The following FHIT variants were observed in gnomAD, a reference collection of about 807,000 sequenced individuals.
FHIT encodes the protein bis(5'-adenosyl)-triphosphatase.
Under a neutral mutation model 17.9 loss-of-function variants are expected in FHIT, and 19 were observed. The ratio of observed to expected loss-of-function variants is 1.06; its 90% CI spans 0.74 to 1.56. The LOEUF is 1.56. FHIT is among the 40% of genes most tolerant of loss of function. FHIT has a pLI of 0.00. For synonymous variants in FHIT, 81 were observed against 69.7 expected, an observed-to-expected ratio of 1.16 and a Z score of -0.81; for missense variants, 248 against 189.2, an observed-to-expected ratio of 1.31 and a Z score of -1.82.
intron 5 of FHIT, among the ~76,000 whole-genome samples, chr3:60,257,084 C>T (rs1706036304): frequency 6.6e-6 from 1 of 152,200 alleles, no homozygotes; most frequent in Admixed American, 6.5e-5. Context: ...CATTTTCACA[C>T]ACATTTCAAT....
At chr3:60,969,981 C>T (rs1709928910) in intron 3 of FHIT, among the ~76,000 whole-genome samples, 1 of 152,116 alleles carries the variant, frequency 6.6e-6, no homozygotes, top group African/African-American at 2.4e-5. Context: ...CCTCCCACCT[C>T]AGCCTTCTGA....
Position 60,718,010 on chromosome 3 carries a change from A to G in FHIT, c.-18+103909T>C, listed in dbSNP as rs190698293. Among the ~76,000 whole-genome samples, 7 of 152,296 alleles carry G rather than the reference A, an allele frequency of 4.6e-5. No individual in the cohort carries two copies. The East Asian group carries it at 1.2e-3, about 25-fold the overall frequency. On this transcript the variant is annotated intron_variant, in intron 4 of 9. Transcript: ENST00000492590. ...AATGTTTTTTAAAATGCAACTTTCC[A>G]TAGTTTTCTGTTGTTATATTTGTTT...
intron 5 of FHIT, among the ~76,000 whole-genome samples, chr3:60,531,059 A>G (rs944688477): frequency 1.3e-5 from 2 of 152,164 alleles, no homozygotes; most frequent in Non-Finnish European, 2.9e-5. Context: ...CCACAAGAAA[A>G]CCAACTTGCC....
chr3:60,283,044 G>A (rs1222451035), intron 5 of FHIT, among the ~76,000 whole-genome samples: 1 of 152,106 alleles, frequency 6.6e-6, no homozygotes, highest in African/African-American at 2.4e-5. Context: ...AGAACCCTCA[G>A]GATCAAGTCA....
chr3:60,198,022 A>G (rs147960362), intron 5 of FHIT, among the ~76,000 whole-genome samples: 1,699 of 152,298 alleles, frequency 0.011, 31 homozygotes, highest in African/African-American at 0.038. Context: ...AAACAAATGC[A>G]TATGCCTCAC....
At chr3:60,590,114 T>C (rs2038036562) in intron 4 of FHIT, among the ~76,000 whole-genome samples, 1 of 152,074 alleles carries the variant, frequency 6.6e-6, no homozygotes, top group Non-Finnish European at 1.5e-5. Flanking sequence ...CTCTAATAAG[T>C]TAACGATTTA....
intron 4 of FHIT, among the ~76,000 whole-genome samples, chr3:60,747,912 G>C: frequency 6.6e-6 from 1 of 152,326 alleles, no homozygotes; most frequent in African/African-American, 2.4e-5. Flanking sequence ...CCCAGGTAGA[G>C]TAAAAACAGA....
At chr3:60,520,762 T>C (rs2035327541) in intron 5 of FHIT, among the ~76,000 whole-genome samples, 1 of 152,062 alleles carries the variant, frequency 6.6e-6, no homozygotes, top group Non-Finnish European at 1.5e-5. Context: ...CCCATTATGG[T>C]TAATGAGAGT....
At chr3:61,139,802 G>C (rs528528207) in intron 2 of FHIT, among the ~76,000 whole-genome samples, 1 of 151,908 alleles carries the variant, frequency 6.6e-6, no homozygotes, top group African/African-American at 2.4e-5. Context: ...AAGGAATGCT[G>C]GTACTTTAAG....
intron 5 of FHIT, among the ~76,000 whole-genome samples, chr3:60,221,218 A>C (rs1007646023): frequency 1.5e-4 from 23 of 152,138 alleles, no homozygotes; most frequent in African/African-American, 5.6e-4. Context: ...TTCCTTTTTC[A>C]TCAACTAACA....
chr3:60,507,182 A>T (rs769561917), intron 5 of FHIT, among the ~76,000 whole-genome samples: 4 of 152,228 alleles, frequency 2.6e-5, no homozygotes, highest in Non-Finnish European at 5.9e-5. Flanking sequence ...AAGAAGGGAT[A>T]CGTGAGTTGG....
intron 6 of FHIT, among the ~76,000 whole-genome samples, chr3:60,013,695 G>T (rs555589783): frequency 6.6e-6 from 1 of 152,132 alleles, no homozygotes; most frequent in African/African-American, 2.4e-5. Context: ...AGTTACCATG[G>T]AATGAAAATG....
chr3:60,518,838 G>A (rs779558316), intron 5 of FHIT, among the ~76,000 whole-genome samples: 19 of 152,096 alleles, frequency 1.2e-4, no homozygotes, highest in Admixed American at 6.6e-4. Context: ...GGGAAACTTC[G>A]TCTCTACTAA....
chr3:60,292,082 C>T (rs536941984), intron 5 of FHIT, among the ~76,000 whole-genome samples: 13 of 152,166 alleles, frequency 8.5e-5, no homozygotes, highest in Middle Eastern at 6.8e-3. Flanking sequence ...TTCAACTAGA[C>T]GTGAGAGCCA....
chr3:60,924,211 T>C (rs991542779), intron 3 of FHIT, among the ~76,000 whole-genome samples: 6 of 152,166 alleles, frequency 3.9e-5, no homozygotes, highest in African/African-American at 7.2e-5. Context: ...AAGAGAGTAG[T>C]GATTCTCCCA....
At chr3:60,990,588 A>C (rs929879136) in intron 3 of FHIT, among the ~76,000 whole-genome samples, 1 of 152,224 alleles carries the variant, frequency 6.6e-6, no homozygotes, top group Non-Finnish European at 1.5e-5. Context: ...TAGTATTTTT[A>C]TAATAAGCAA....
At chr3:59,948,181 G>C (rs1706920131) in intron 7 of FHIT, among the ~76,000 whole-genome samples, 1 of 151,862 alleles carries the variant, frequency 6.6e-6, no homozygotes, top group Non-Finnish European at 1.5e-5. Flanking sequence ...GCAATTGTTG[G>C]GTCCTATGAT....
At chr3:60,678,911 T>G (rs555379928) in intron 4 of FHIT, among the ~76,000 whole-genome samples, 15 of 151,724 alleles carry the variant, frequency 9.9e-5, no homozygotes, top group African/African-American at 3.4e-4. Context: ...TATCATCTCG[T>G]TTTCCATCTT....
At chr3:60,150,164 A>C (rs746171017) in intron 5 of FHIT, among the ~76,000 whole-genome samples, 1 of 151,308 alleles carries the variant, frequency 6.6e-6, no homozygotes, top group South Asian at 2.1e-4. Flanking sequence ...CGCCCGGCTC[A>C]TTTTGTATTT....
Sources: allele counts gnomAD v4.1 joint callset (sites outside exome capture counted in the v4.1 genomes callset), GRCh38; gene constraint gnomAD v4.1.1; transcripts MANE v1.5; gene names NCBI Gene and HGNC (gene_info 2026-07-23, HGNC 2026-07-21).